The following CCDC69 variants were observed in gnomAD, a reference collection of about 807,000 sequenced individuals.
CCDC69 encodes coiled-coil domain containing 69.
CCDC69 carries 38 observed loss-of-function variants against 40.3 expected under a neutral mutation model. The observed-to-expected ratio is 0.94, with a 90% CI of 0.73 to 1.24. CCDC69 has a LOEUF of 1.24. Among genes scored for constraint, CCDC69 ranks in the 50% most tolerant of loss-of-function variants. CCDC69 has a pLI of 0.00. For synonymous variants in CCDC69, 141 were observed against 138.9 expected, an observed-to-expected ratio of 1.02 and a Z score of -0.11; for missense variants, 389 against 357.9, an observed-to-expected ratio of 1.09 and a Z score of -0.70.
intron 4 of CCDC69, among the ~76,000 whole-genome samples, chr5:151,195,963 G>T (rs1469488324): frequency 6.6e-6 from 1 of 152,182 alleles, no homozygotes; most frequent in Non-Finnish European, 1.5e-5. Context: ...GCAACATTAT[G>T]CAAAAGCTGT....
chr5:151,219,312 G>A (rs1753101393), intron 1 of CCDC69, among the ~76,000 whole-genome samples: 1 of 151,998 alleles, frequency 6.6e-6, no homozygotes, highest in Non-Finnish European at 1.5e-5. Context: ...CCCCATAAGT[G>A]CCTAACCCCC....
intron 6 of CCDC69, 128 bp downstream of exon 6, chr5:151,185,895 G>T: frequency 1.5e-6 from 1 of 684,736 alleles, no homozygotes; most frequent in Non-Finnish European, 2.6e-6. Flanking sequence ...TTTATTTCCA[G>T]GCCCTTGTGT....
chr5:151,208,637 C>T (rs1246326894), intron 1 of CCDC69, among the ~76,000 whole-genome samples: 1 of 152,248 alleles, frequency 6.6e-6, no homozygotes, highest in Non-Finnish European at 1.5e-5. Flanking sequence ...GAGAAGCTGT[C>T]AACTCCGGAA....
At chr5:151,207,718 C>A (rs1240812534) in intron 1 of CCDC69, among the ~76,000 whole-genome samples, 1 of 152,172 alleles carries the variant, frequency 6.6e-6, no homozygotes, top group Non-Finnish European at 1.5e-5. Flanking sequence ...CTGAACATTA[C>A]ACACTCGCTC....
intron 4 of CCDC69, among the ~76,000 whole-genome samples, chr5:151,196,464 T>C (rs1234885524): frequency 1.3e-5 from 2 of 152,130 alleles, no homozygotes; most frequent in African/African-American, 2.4e-5. Flanking sequence ...GCCACAGCCA[T>C]GTTTTAAGAA....
intron 1 of CCDC69, among the ~76,000 whole-genome samples, chr5:151,214,753 G>A (rs1753010448): frequency 6.6e-6 from 1 of 152,250 alleles, no homozygotes; most frequent in Non-Finnish European, 1.5e-5. Context: ...GGCGGATGTG[G>A]TCTCCACTGC....
Position 151,223,967 on chromosome 5 carries a change from C to A in CCDC69, c.4G>T (p.Gly2Cys). M[G>C]CRHSRLSSCK... is the part of the protein sequence containing the mutation. The stretch of plus-strand genomic sequence containing the variant: ...CTGCTCAGCCTGCTGTGTCTGCAGC[C>A]CATCCTCCTCCGGGGGCTCCCGGAC... Residue 2 changes from glycine (G) to cysteine (C), a missense_variant, in exon 1 of 9, where the codon GGC (glycine) becomes TGC (cysteine). Transcript: ENST00000355417. The A allele has an allele frequency of 6.4e-7, 1 of 1,563,666 alleles. No homozygotes were observed. Among genetic ancestry groups the A allele is most frequent in the African/African-American group, 1.4e-5 (1 of 70,136 alleles).
At chr5:151,201,543 A>C in intron 3 of CCDC69, 39 bp downstream of exon 3, 1 of 1,396,328 alleles carries the variant, frequency 7.2e-7, no homozygotes, top group Non-Finnish European at 1.0e-6. Context: ...AAGTTAGCTG[A>C]GCAGGAGAAA....
chr5:151,200,182 A>C (rs1052100572), intron 3 of CCDC69, among the ~76,000 whole-genome samples: 2 of 151,836 alleles, frequency 1.3e-5, no homozygotes, highest in Admixed American at 6.6e-5. Context: ...TCTGCCACCC[A>C]GGCAAGAGTG....
At chr5:151,205,748 C>T (rs1752845164) in intron 1 of CCDC69, among the ~76,000 whole-genome samples, 1 of 152,198 alleles carries the variant, frequency 6.6e-6, no homozygotes, top group African/African-American at 2.4e-5. Context: ...TGCAGTCTGG[C>T]TCCTGCTGCC....
chr5:151,220,793 C>A (rs1582054226), intron 1 of CCDC69, among the ~76,000 whole-genome samples: 1 of 57,352 alleles, frequency 1.7e-5, no homozygotes, highest in African/African-American at 6.7e-5. Flanking sequence ...CCAGTCCCCA[C>A]CCCCCCTCCG....
At chr5:151,223,888 C>A in intron 1 of CCDC69, 35 bp downstream of exon 1, 6 of 1,589,532 alleles carry the variant, frequency 3.8e-6, no homozygotes, top group Non-Finnish European at 5.1e-6. Flanking sequence ...CTCCCCTCTC[C>A]TCTGAAAGCA....
At chr5:151,193,411 G>A (rs904236348) in intron 4 of CCDC69, among the ~76,000 whole-genome samples, 1 of 151,850 alleles carries the variant, frequency 6.6e-6, no homozygotes, top group Non-Finnish European at 1.5e-5. Context: ...AACTACTTGG[G>A]AGGCTGTAGT....
chr5:151,190,635 C>A (rs1484163681), intron 4 of CCDC69, among the ~76,000 whole-genome samples: 4 of 140,198 alleles, frequency 2.9e-5, no homozygotes, highest in African/African-American at 1.1e-4. Flanking sequence ...CATTGCACTC[C>A]AGCCTGGGTG....
In CCDC69 at chr5:151,186,030, T is replaced by A; in HGVS notation, c.488A>T (p.His163Leu). ...ESILSRNYKK[H>L]IQDYGSPSQF... Reference sequence around the variant, plus strand: ...CAGGGTGCTGCCACCTACCTGGATATGTTTCTTATAGTTTCGGCTCAGAAT... The same window carrying A: ...CAGGGTGCTGCCACCTACCTGGATAAGTTTCTTATAGTTTCGGCTCAGAAT... Residue 163 changes from histidine to leucine, a missense_variant, in exon 6 of 9, where the codon CAT (histidine) becomes CTT (leucine). Physicochemically the swap from His to Leu is moderately conservative, Grantham distance 99. Transcript: ENST00000355417. 6.2e-7 allele frequency: 1 copy of A among 1,613,188 alleles called. No homozygotes were observed. Among genetic ancestry groups the A allele is most frequent in the Non-Finnish European group, 8.5e-7 (1 of 1,179,186 alleles).
intron 4 of CCDC69, among the ~76,000 whole-genome samples, chr5:151,196,302 A>G (rs989784580): frequency 1.7e-4 from 26 of 152,208 alleles, no homozygotes; most frequent in Admixed American, 3.3e-4. Flanking sequence ...CTGGGATTAT[A>G]GGTGCACACC....
chr5:151,213,352 T>C (rs1017948837), intron 1 of CCDC69, among the ~76,000 whole-genome samples: 1 of 152,124 alleles, frequency 6.6e-6, no homozygotes, highest in Admixed American at 6.5e-5. Context: ...GTTCACGCCA[T>C]TCTCCTGTCT....
At chr5:151,186,774 G>C (rs1752526279) in intron 5 of CCDC69, among the ~76,000 whole-genome samples, 1 of 152,106 alleles carries the variant, frequency 6.6e-6, no homozygotes, top group Admixed American at 6.5e-5. Context: ...CGTTAGGCTA[G>C]AGCACAACCC....
intron 3 of CCDC69, among the ~76,000 whole-genome samples, chr5:151,199,416 C>T (rs1020237140): frequency 6.6e-6 from 1 of 152,116 alleles, no homozygotes; most frequent in Admixed American, 6.6e-5. Context: ...CAAGTGACCT[C>T]CAACTTCTAC....
Sources: allele counts gnomAD v4.1 joint callset (sites outside exome capture counted in the v4.1 genomes callset), GRCh38; gene constraint gnomAD v4.1.1; transcripts MANE v1.5; gene names NCBI Gene and HGNC (gene_info 2026-07-23, HGNC 2026-07-21).